Variants in ATP10A observed in about 807,000 individuals in gnomAD.
ATP10A encodes the protein ATPase phospholipid transporting 10A (putative), also known as phospholipid-transporting ATPase VA.
ATP10A carries 111 observed loss-of-function variants against 147.8 expected under a neutral mutation model. The observed-to-expected ratio is 0.75, with a 90% confidence interval of 0.64 to 0.88. The LOEUF is 0.88. Ranked by LOEUF, ATP10A falls within the 40% of genes least tolerant of loss-of-function variation. The pLI is 0.00. For synonymous variants in ATP10A, 875 were observed against 841.6 expected (o/e 1.04, Z -0.69); for missense variants, 1,927 against 1,959.0 (o/e 0.98, Z 0.31).
At chr15:25,775,367 T>G (rs1889550641) in intron 2 of ATP10A, among the ~76,000 whole-genome samples, 1 of 152,196 alleles carries the variant, frequency 6.6e-6, no homozygotes, top group African/African-American at 2.4e-5. Context: ...GACTCTCCTT[T>G]GTAAAGAAAA....
chr15:25,751,543 A>G (rs184716335), intron 2 of ATP10A, among the ~76,000 whole-genome samples: 61 of 152,302 alleles, frequency 4.0e-4, no homozygotes, highest in African/African-American at 1.2e-3. Flanking sequence ...CAAGTTTACC[A>G]TAACTCACAT....
Position 25,679,776 on chromosome 15 carries a change from C to A in ATP10A, c.4065G>T (p.Trp1355Cys), listed in dbSNP as rs1478404529. The change falls in exon 21 of 21, where the codon TGG (tryptophan) becomes TGT (cysteine). Residue 1355 changes from tryptophan (W) to cysteine (C), a missense_variant. By Grantham distance (215) the Trp-to-Cys change is radical. Transcript: ENST00000555815. ...KTSVPLSQPS[W>C]HTQQPVCSLE... ...GGGAGCAGACCGGCTGCTGTGTGTG[C>A]CAAGAAGGCTGGGACAGGGGCACAG... 1 of 1,612,832 alleles carries A rather than the reference C, an allele frequency of 6.2e-7. No homozygotes were observed. The highest frequency in any genetic ancestry group is 8.5e-7 in the Non-Finnish European group (1 of 1,179,870).
In ATP10A at chr15:25,862,361, C is replaced by A. The variant is rs1390906455; in HGVS notation, c.449+287G>T. ...GCTGTGGATGAGGATGTCCAGCGGC[C>A]GTCGGTTTCTAGCCTTGGGATCATT... On this transcript the variant is annotated intron_variant, in intron 1 of 20. Transcript: ENST00000555815. 4.8e-6 allele frequency: 3 copies of A among 620,082 alleles called. No homozygotes were observed. The African/African-American group carries it at 5.4e-5, about 11-fold the overall frequency. The allele number at this position is 620,082 out of a possible 1,614,324, so 38.4% of individuals were successfully genotyped here.
At chr15:25,704,631 G>A (rs904338991) in intron 12 of ATP10A, among the ~76,000 whole-genome samples, 12 of 152,242 alleles carry the variant, frequency 7.9e-5, no homozygotes, top group African/African-American at 2.4e-4. Flanking sequence ...TTTATAAGGT[G>A]TGAGCCTGAG....
Position 25,708,120 on chromosome 15 carries a change from T to C in ATP10A, c.2449-18A>G, listed in dbSNP as rs533335282. ...CTCAGAACCTATGGGAGATACATTG[T>C]TGAGTGCTGCACCGGGCGCTGCTCA... On this transcript the variant is annotated intron_variant, in intron 11 of 20. Transcript: ENST00000555815. The C allele has an allele frequency of 1.9e-6, 3 of 1,613,344 alleles. No homozygotes were observed. Among genetic ancestry groups the C allele is most frequent in the South Asian group, 2.2e-5 (2 of 91,078 alleles).
rs769089194 is a variant in ATP10A at position 25,680,615 on chromosome 15, C to T, written c.3678+195G>A. ...GGAGATGAGCATGGCCGGGGAAGTG[C>T]GAGCATCAGGCTGCAGCGGCTCCCC... is the stretch of plus-strand genomic sequence containing the variant. On this transcript the variant is annotated intron_variant, in intron 19 of 20. Coordinates refer to ENST00000555815, the MANE Select transcript of ATP10A (RefSeq NM_024490.4). Among the ~76,000 whole-genome samples, 57 of 152,162 alleles carry T rather than the reference C, an allele frequency of 3.7e-4. 1 individual carries two copies. Among genetic ancestry groups the T allele is most frequent in the Non-Finnish European group, 5.6e-4 (38 of 67,994 alleles).
intron 10 of ATP10A, among the ~76,000 whole-genome samples, chr15:25,711,351 C>G (rs1360106472): frequency 6.6e-6 from 1 of 152,104 alleles, no homozygotes; most frequent in East Asian, 1.9e-4. Context: ...GAGCGATTCC[C>G]AGGCACAGTG....
chr15:25,813,198 A>G (rs1418790581), intron 1 of ATP10A, among the ~76,000 whole-genome samples: 3 of 152,198 alleles, frequency 2.0e-5, no homozygotes, highest in Non-Finnish European at 4.4e-5. Flanking sequence ...AAAGCAAAGG[A>G]AAGTTTATCT....
At chr15:25,718,453 G>C in intron 7 of ATP10A, 54 bp from the exon 8 acceptor site, 1 of 1,509,738 alleles carries the variant, frequency 6.6e-7, no homozygotes, top group Non-Finnish European at 8.9e-7. Context: ...GGGCGGAGCA[G>C]AAAGAAACCA....
At chr15:25,851,538 CAAAG>C (rs887998928) in intron 1 of ATP10A, among the ~76,000 whole-genome samples, 2 of 152,134 alleles carry the variant, frequency 1.3e-5, no homozygotes, top group Non-Finnish European at 2.9e-5. Flanking sequence ...GCCATTTAAA[CAAAG>C]AATGCTTTCA....
intron 1 of ATP10A, among the ~76,000 whole-genome samples, chr15:25,818,952 A>T (rs1203518353): frequency 3.3e-5 from 5 of 152,184 alleles, no homozygotes; most frequent in African/African-American, 1.2e-4. Context: ...TAAAGACTTA[A>T]CTCTAAGACC....
At chr15:25,826,220 C>T (rs929778559) in intron 1 of ATP10A, among the ~76,000 whole-genome samples, 2 of 151,918 alleles carry the variant, frequency 1.3e-5, no homozygotes, top group African/African-American at 2.4e-5. Flanking sequence ...TAATGGGAGT[C>T]CCAGAAAGAA....
At chr15:25,793,917 C>T (rs1214122957) in intron 1 of ATP10A, among the ~76,000 whole-genome samples, 1 of 152,216 alleles carries the variant, frequency 6.6e-6, no homozygotes, top group Non-Finnish European at 1.5e-5. Flanking sequence ...TCCGATGCCC[C>T]ACCAGTGCTG....
At chr15:25,782,518 C>T (rs924471947) in intron 1 of ATP10A, among the ~76,000 whole-genome samples, 5 of 152,096 alleles carry the variant, frequency 3.3e-5, no homozygotes, top group South Asian at 2.1e-4. Context: ...CGTTAAGCCA[C>T]GTTAAGCCAA....
intron 1 of ATP10A, among the ~76,000 whole-genome samples, chr15:25,832,085 A>T (rs888348705): frequency 2.4e-4 from 36 of 152,192 alleles, no homozygotes; most frequent in African/African-American, 8.7e-4. Context: ...ATGACAGAGA[A>T]GACAGCCATG....
chr15:25,713,999 C>T lies in ATP10A; in HGVS notation c.2019G>A (p.Gln673=). ...SAIASNGYSS[Q]ADNWASELAQ... is the part of the protein sequence containing the mutation. The stretch of plus-strand genomic sequence containing the variant: ...CAAGCTCCGAGGCCCAGTTGTCCGC[C>T]TGGCTGCTGTAGCCGTTGCTGGCGA... Residue 673 remains glutamine (Q), a synonymous_variant, in exon 10 of 21, where the codon CAG becomes CAA. Coordinates refer to ENST00000555815, the MANE Select transcript of ATP10A (RefSeq NM_024490.4). 6.2e-7 allele frequency: 1 copy of T among 1,610,042 alleles called. No individual in the cohort carries two copies.
intron 1 of ATP10A, among the ~76,000 whole-genome samples, chr15:25,786,478 G>A (rs1408169610): frequency 6.6e-6 from 1 of 150,634 alleles, no homozygotes; most frequent in African/African-American, 2.4e-5. Context: ...GTAGTCTTTT[G>A]AACGACAGAA....
Position 25,766,707 on chromosome 15 carries a change from G to T in ATP10A, c.654+14312C>A, listed in dbSNP as rs914961959. On this transcript the variant is annotated intron_variant, in intron 2 of 20. Coordinates refer to ENST00000555815, the MANE Select transcript of ATP10A (RefSeq NM_024490.4). Reference sequence around the variant, plus strand: ...ACTGCCTCCAGGCCCCAACCCAGCCGCTTCCATCCCAGCACCCTGAGCTCA... The same window carrying T: ...ACTGCCTCCAGGCCCCAACCCAGCCTCTTCCATCCCAGCACCCTGAGCTCA... 3.3e-5 allele frequency among the ~76,000 whole-genome samples: 5 copies of T among 151,892 alleles called. 1 individual carries two copies. The highest frequency in any genetic ancestry group is 7.4e-5 in the Non-Finnish European group (5 of 67,990).
intron 1 of ATP10A, among the ~76,000 whole-genome samples, chr15:25,832,705 G>T (rs999456158): frequency 6.6e-5 from 10 of 152,084 alleles, no homozygotes; most frequent in Non-Finnish European, 1.3e-4. Flanking sequence ...TATGTTACTG[G>T]ATACTAAACT....
Sources: allele counts gnomAD v4.1 joint callset (sites outside exome capture counted in the v4.1 genomes callset), GRCh38; gene constraint gnomAD v4.1.1; transcripts MANE v1.5; gene names NCBI Gene and HGNC (gene_info 2026-07-23, HGNC 2026-07-21).